PDE10A: variants seen among roughly 807,000 people sequenced by gnomAD.
PDE10A encodes cAMP and cAMP-inhibited cGMP 3',5'-cyclic phosphodiesterase 10A.
PDE10A carries 39 observed loss-of-function variants against 97.7 expected under a neutral mutation model. That is an observed-to-expected ratio of 0.40 (90% CI 0.31 to 0.52). The LOEUF (loss-of-function observed/expected upper bound fraction) is 0.52. Among genes scored for constraint, PDE10A ranks in the 20% least tolerant of loss-of-function variants. The pLI, the probability that PDE10A is intolerant of heterozygous loss-of-function variation, is 0.56. For synonymous variants in PDE10A, 371 were observed against 376.8 expected (o/e 0.98, Z 0.18); for missense variants, 731 against 1,047.8 (o/e 0.70, Z 4.17).
intron 1 of PDE10A, among the ~76,000 whole-genome samples, chr6:165,952,410 A>G (rs890631115): frequency 1.8e-4 from 28 of 152,258 alleles, no homozygotes; most frequent in Non-Finnish European, 1.3e-4. Flanking sequence ...AAGCCACAAC[A>G]GGAACCTGTT....
At chr6:165,480,021 C>T (rs1779511543) in intron 3 of PDE10A, among the ~76,000 whole-genome samples, 1 of 152,112 alleles carries the variant, frequency 6.6e-6, no homozygotes, top group African/African-American at 2.4e-5. Flanking sequence ...CCTCATTTTA[C>T]CAGGGTCAAG....
chr6:165,796,297 A>G (rs1778830903), intron 1 of PDE10A, among the ~76,000 whole-genome samples: 1 of 152,012 alleles, frequency 6.6e-6, no homozygotes. Context: ...CGTGTTAGCC[A>G]GGATGGTCTC....
chr6:165,393,978 A>G (rs1171307060), intron 15 of PDE10A, among the ~76,000 whole-genome samples: 1 of 152,132 alleles, frequency 6.6e-6, no homozygotes, highest in Non-Finnish European at 1.5e-5. Context: ...ATAAGAAGAC[A>G]TGTTTCTTTT....
chr6:165,955,811 G>C (rs550191850), intron 1 of PDE10A, among the ~76,000 whole-genome samples: 1 of 152,148 alleles, frequency 6.6e-6, no homozygotes, highest in South Asian at 2.1e-4. Flanking sequence ...GTTAAAAGCT[G>C]CCAATACCTG....
At position 165,435,481 on chromosome 6, in the gene PDE10A, AAAG is replaced by A. The variant is rs1357103769; in HGVS notation, c.1195-107_1195-105del. ...TCATAATAAATCTGTGAGCCAATTA[AAAG>A]AAGAGTCATAAAATGAGGAAAGGTG... On this transcript the variant is annotated intron_variant, in intron 5 of 21. Coordinates refer to ENST00000539869, the MANE Select transcript of PDE10A (RefSeq NM_001385079.1). 5 of 959,264 alleles carry A rather than the reference AAAG, an allele frequency of 5.2e-6. No individual in the cohort carries two copies. In the African/African-American group the frequency reaches 6.6e-5, roughly 13 times the overall value. The allele number at this position is 959,264 out of a possible 1,614,324, so 59.4% of individuals were successfully genotyped here. A position where few individuals can be genotyped will look rare whatever the true frequency, so the allele number is the denominator to read the frequency against.
chr6:165,531,440 T>G (rs2128314875), intron 2 of PDE10A, among the ~76,000 whole-genome samples: 1 of 152,210 alleles, frequency 6.6e-6, no homozygotes, highest in Middle Eastern at 3.4e-3. Flanking sequence ...TGTGACAATC[T>G]AAATGACTAA....
chr6:165,563,415 C>A (rs1784622296), intron 1 of PDE10A, among the ~76,000 whole-genome samples: 1 of 152,118 alleles, frequency 6.6e-6, no homozygotes, highest in Non-Finnish European at 1.5e-5. Context: ...TTAGCACTGA[C>A]AAAGAAAACT....
intron 1 of PDE10A, among the ~76,000 whole-genome samples, chr6:165,560,665 CT>C (rs1784475413): frequency 6.6e-6 from 1 of 152,226 alleles, no homozygotes. Flanking sequence ...ATTTTCCAAA[CT>C]ATGTCACCCT....
Position 165,811,997 on chromosome 6 carries a change from C to T in PDE10A, c.-615+175532G>A, listed in dbSNP as rs565594938. 1.2e-4 allele frequency among the ~76,000 whole-genome samples: 19 copies of T among 152,094 alleles called. No individual in the cohort carries two copies. The East Asian group carries it at 3.1e-3, about 25-fold the overall frequency. On this transcript the variant is annotated intron_variant, in intron 1 of 19. Coordinates refer to the PDE10A transcript ENST00000366882. Reference sequence around the variant, plus strand: ...CCTCCCGAGTAGCTGGGATTACAGGCACACGCCACCATGCCCGGTTAATTA... The same window carrying T: ...CCTCCCGAGTAGCTGGGATTACAGGTACACGCCACCATGCCCGGTTAATTA...
intron 2 of PDE10A, among the ~76,000 whole-genome samples, chr6:165,539,004 G>A (rs374181417): frequency 9.2e-5 from 14 of 152,196 alleles, no homozygotes; most frequent in African/African-American, 3.1e-4. Flanking sequence ...CAAAATGAAT[G>A]TATAGTCGTT....
At chr6:165,725,431 C>A (rs1221721213) in intron 1 of PDE10A, among the ~76,000 whole-genome samples, 1 of 152,226 alleles carries the variant, frequency 6.6e-6, no homozygotes, top group African/African-American at 2.4e-5. Flanking sequence ...CACAAGCTGC[C>A]CGTCTGCATG....
chr6:165,957,079 G>A (rs921276288), intron 1 of PDE10A, among the ~76,000 whole-genome samples: 4 of 152,168 alleles, frequency 2.6e-5, no homozygotes, highest in African/African-American at 7.2e-5. Context: ...ACTAGTGCAG[G>A]AGACCTGTGC....
chr6:165,716,734 G>A (rs1464662692), intron 1 of PDE10A, among the ~76,000 whole-genome samples: 1 of 152,116 alleles, frequency 6.6e-6, no homozygotes, highest in Non-Finnish European at 1.5e-5. Context: ...AGGGAGAGGA[G>A]GAACTAAGGA....
At chr6:165,618,150 T>A (rs1787813472) in intron 1 of PDE10A, among the ~76,000 whole-genome samples, 1 of 152,214 alleles carries the variant, frequency 6.6e-6, no homozygotes, top group South Asian at 2.1e-4. Flanking sequence ...TGTATACATT[T>A]TATGTGTGTT....
Position 165,863,444 on chromosome 6 carries a change from T to C in PDE10A, c.-615+124085A>G, listed in dbSNP as rs550686072. On this transcript the variant is annotated intron_variant, in intron 1 of 19. Coordinates refer to the PDE10A transcript ENST00000366882. The stretch of plus-strand genomic sequence containing the variant: ...AAGCATTCAACCCCTTCTGACAATA[T>C]AAACTAGATAACTGCATATAACTAC... Among the ~76,000 whole-genome samples, 11 of 152,300 alleles carry C rather than the reference T, an allele frequency of 7.2e-5. No individual in the cohort carries two copies. The South Asian group carries it at 2.1e-3, about 29-fold the overall frequency.
chr6:165,327,859 G>T lies in PDE10A; in HGVS notation c.*5166C>A, dbSNP rs931749040. 1 of 152,180 alleles carries T rather than the reference G, an allele frequency of 6.6e-6. No individual in the cohort carries two copies. The highest frequency in any genetic ancestry group is 1.5e-5 in the Non-Finnish European group (1 of 68,034). 9.4% of individuals were successfully genotyped at this position (152,180 alleles called of 1,614,324 possible). On this transcript the variant is annotated 3_prime_UTR_variant, in exon 22 of 22. Coordinates refer to ENST00000539869, the MANE Select transcript of PDE10A (RefSeq NM_001385079.1). ...TACAAATCAGTTCTTCATGAGCATT[G>T]TATTTGTGATGGCATATAACCTGTG... is the stretch of plus-strand genomic sequence containing the variant.
rs1173544065 is a variant in PDE10A, at chr6:165,661,158, G to A, written c.865+789C>T. 2 of 152,948 alleles carry A rather than the reference G, an allele frequency of 1.3e-5. No homozygotes were observed. Among genetic ancestry groups the A allele is most frequent in the African/African-American group, 4.8e-5 (2 of 41,600 alleles). 9.5% of individuals were successfully genotyped at this position (152,948 alleles called of 1,614,324 possible). ...GCTCTCGGCCCCGCGCCCGCGGGTG[G>A]CGAGGAGGAGTGGCCACGCCACAGT... On this transcript the variant is annotated intron_variant, in intron 1 of 21. Coordinates refer to ENST00000539869, the MANE Select transcript of PDE10A (RefSeq NM_001385079.1). This position sits in a 1 kb window ranked among gnomAD's most constrained non-coding sequence, Gnocchi z 4.8.
chr6:165,791,136 TG>T (rs1490491818), intron 1 of PDE10A, among the ~76,000 whole-genome samples: 18 of 151,874 alleles, frequency 1.2e-4, no homozygotes, highest in Non-Finnish European at 2.4e-4. Flanking sequence ...TTTGCAGAGA[TG>T]GGGGTCTCAC....
At chr6:165,735,076 G>T (rs1215533452) in intron 1 of PDE10A, among the ~76,000 whole-genome samples, 1 of 152,000 alleles carries the variant, frequency 6.6e-6, no homozygotes, top group Non-Finnish European at 1.5e-5. Flanking sequence ...AGGTAGGTAG[G>T]TAGGTTTGTA....
Sources: allele counts gnomAD v4.1 joint callset (sites outside exome capture counted in the v4.1 genomes callset), GRCh38; gene constraint gnomAD v4.1.1; non-coding constraint Gnocchi (gnomAD v3.1); transcripts MANE v1.5; gene names NCBI Gene and HGNC (gene_info 2026-07-23, HGNC 2026-07-21).